THADA: variants seen among roughly 807,000 people sequenced by gnomAD.
THADA encodes the protein tRNA (32-2'-O)-methyltransferase regulator THADA.
Under a neutral mutation model 219.8 loss-of-function variants are expected in THADA, and 213 were observed. The ratio of observed to expected loss-of-function variants is 0.97; its 90% CI spans 0.87 to 1.09. The LOEUF is 1.09. Ranked by LOEUF, THADA falls within the 50% of genes least tolerant of loss-of-function variation. The pLI, the probability that THADA is intolerant of heterozygous loss-of-function variation, is 0.00. For synonymous variants in THADA, 1,018 were observed against 828.9 expected (o/e 1.23, Z -3.92); for missense variants, 2,956 against 2,311.3 (o/e 1.28, Z -5.72).
chr2:43,286,249 G>A (rs1209094786), intron 35 of THADA, among the ~76,000 whole-genome samples: 1 of 152,190 alleles, frequency 6.6e-6, no homozygotes, highest in Non-Finnish European at 1.5e-5. Flanking sequence ...GATAAGGCAG[G>A]AGGAGTGGGC....
At chr2:43,564,697 T>C (rs951228691) in intron 15 of THADA, 8 of 152,228 alleles carry the variant, frequency 5.3e-5, no homozygotes, top group African/African-American at 1.9e-4. Context: ...GGTGATCATA[T>C]TTCCTATTAT....
intron 29 of THADA, among the ~76,000 whole-genome samples, chr2:43,393,350 G>C (rs1376329067): frequency 6.6e-6 from 1 of 152,164 alleles, no homozygotes; most frequent in African/African-American, 2.4e-5. Context: ...GCCATAAAAA[G>C]CTGTTATTCA....
intron 29 of THADA, among the ~76,000 whole-genome samples, chr2:43,388,971 G>T (rs1014685510): frequency 6.6e-5 from 10 of 152,140 alleles, no homozygotes; most frequent in African/African-American, 2.4e-4. Context: ...GGTGGTGGCA[G>T]TAGCAGCAAG....
intron 36 of THADA, among the ~76,000 whole-genome samples, chr2:43,259,430 G>A (rs1025159819): frequency 7.2e-5 from 11 of 152,238 alleles, no homozygotes; most frequent in African/African-American, 2.7e-4. Context: ...ATCCTACTCT[G>A]ACTGCACGTC....
chr2:43,324,841 A>G (rs1286159192), intron 30 of THADA, among the ~76,000 whole-genome samples: 1 of 152,108 alleles, frequency 6.6e-6, no homozygotes, highest in African/African-American at 2.4e-5. Context: ...CCAAATGGAA[A>G]AATCCTGGCA....
chr2:43,321,066 C>A (rs990978907), intron 30 of THADA, among the ~76,000 whole-genome samples: 5 of 152,106 alleles, frequency 3.3e-5, no homozygotes, highest in African/African-American at 1.2e-4. Flanking sequence ...GACATTTTCC[C>A]CAATAAATGG....
intron 36 of THADA, among the ~76,000 whole-genome samples, chr2:43,255,735 T>C (rs926371944): frequency 6.6e-6 from 1 of 152,232 alleles, no homozygotes; most frequent in Non-Finnish European, 1.5e-5. Flanking sequence ...TAGGCCTCAC[T>C]CATTATCGGG....
chr2:43,335,341 T>G (rs993539398), intron 30 of THADA, among the ~76,000 whole-genome samples: 3 of 152,098 alleles, frequency 2.0e-5, no homozygotes, highest in African/African-American at 7.2e-5. Flanking sequence ...CAACAAATGA[T>G]AGTAGTTGTC....
At chr2:43,388,849 C>T (rs1290905411) in intron 29 of THADA, among the ~76,000 whole-genome samples, 1 of 152,156 alleles carries the variant, frequency 6.6e-6, no homozygotes, top group Non-Finnish European at 1.5e-5. Context: ...CAATGTACAA[C>T]ATTAATTTTT....
intron 17 of THADA, among the ~76,000 whole-genome samples, chr2:43,555,218 T>A (rs1697203819): frequency 6.6e-6 from 1 of 151,370 alleles, no homozygotes; most frequent in Admixed American, 6.6e-5. Flanking sequence ...TATAATAATA[T>A]ATACACCAGA....
At chr2:43,238,118 C>CAAAAAAAAAAAAAAAAAAAAAAA (rs59802310) in intron 36 of THADA, among the ~76,000 whole-genome samples, 1 of 28,282 alleles carries the variant, frequency 3.5e-5, no homozygotes, top group African/African-American at 1.2e-4. Flanking sequence ...GATTCCATCT[C>CAAAAAAAAAAAAAAAAAAAAAAA]AAAAAAAAAA....
chr2:43,529,427 T>C (rs886133843), intron 21 of THADA, among the ~76,000 whole-genome samples: 4 of 152,056 alleles, frequency 2.6e-5, no homozygotes, highest in Non-Finnish European at 4.4e-5. Context: ...TGCACTACAG[T>C]CTCCAACTCT....
intron 21 of THADA, chr2:43,538,682 G>C (rs969916344): frequency 2.0e-5 from 3 of 152,220 alleles, no homozygotes; most frequent in Non-Finnish European, 2.9e-5. Flanking sequence ...CTGGGTTCCT[G>C]TTCCAGAGCT....
intron 28 of THADA, among the ~76,000 whole-genome samples, chr2:43,415,928 A>G (rs1221872198): frequency 1.3e-5 from 2 of 152,200 alleles, no homozygotes; most frequent in Admixed American, 6.5e-5. Flanking sequence ...CATTCTGGCT[A>G]CAAATTAAAT....
chr2:43,318,593 T>C (rs1169459911), intron 31 of THADA, among the ~76,000 whole-genome samples: 3 of 152,166 alleles, frequency 2.0e-5, no homozygotes, highest in African/African-American at 4.8e-5. Flanking sequence ...GGCTGCAGTA[T>C]TGGATAGTGC....
chr2:43,288,876 T>C (rs1018528509), intron 34 of THADA, among the ~76,000 whole-genome samples: 1 of 152,334 alleles, frequency 6.6e-6, no homozygotes, highest in South Asian at 2.1e-4. Flanking sequence ...ATATGTGCAA[T>C]CACCACCACG....
At chr2:43,504,952 G>A (rs143182642) in intron 24 of THADA, among the ~76,000 whole-genome samples, 1 of 152,294 alleles carries the variant, frequency 6.6e-6, no homozygotes, top group East Asian at 1.9e-4. Flanking sequence ...AGACTATAAC[G>A]TACAAGCAGT....
At chr2:43,556,210 C>A in intron 17 of THADA, 135 bp downstream of exon 17, 1 of 1,466,092 alleles carries the variant, frequency 6.8e-7, no homozygotes. Context: ...ATAATGAGAA[C>A]CCATGGTGCT....
intron 4 of THADA, among the ~76,000 whole-genome samples, chr2:43,587,394 T>C (rs958074805): frequency 3.9e-5 from 6 of 152,158 alleles, no homozygotes; most frequent in African/African-American, 9.7e-5. Context: ...CTTTATTTAT[T>C]TTTTTTCTTT....
Sources: allele counts gnomAD v4.1 joint callset (sites outside exome capture counted in the v4.1 genomes callset), GRCh38; gene constraint gnomAD v4.1.1; transcripts MANE v1.5; gene names NCBI Gene and HGNC (gene_info 2026-07-23, HGNC 2026-07-21).